The following MAP3K14 variants were observed in gnomAD, a reference collection of about 807,000 sequenced individuals.
MAP3K14 encodes mitogen-activated protein kinase kinase kinase 14, also known as NF-kappa-beta-inducing kinase.
A neutral mutation model predicts 99.2 loss-of-function variants in MAP3K14; 16 were observed. That is an observed-to-expected ratio of 0.16 (90% CI 0.11 to 0.24). The LOEUF (loss-of-function observed/expected upper bound fraction) is 0.24. MAP3K14 is among the 10% of genes least tolerant of loss of function. The probability of loss-of-function intolerance (pLI) is 1.00; values close to 1 mark genes in which losing one functional copy is unlikely to be tolerated. For missense variants in MAP3K14, 784 were observed against 1,208.7 expected, an observed-to-expected ratio of 0.65 and a Z score of 5.21; for synonymous variants, 462 against 492.4, an observed-to-expected ratio of 0.94 and a Z score of 0.82.
chr17:45,270,890 C>T (rs1331099896), intron 10 of MAP3K14, 168 bp downstream of exon 10: 1 of 993,322 alleles, frequency 1.0e-6, no homozygotes, highest in South Asian at 1.4e-5. Flanking sequence ...CTGGATCTCC[C>T]CTTGTACCCC....
chr17:45,312,305 C>A (rs572166066), intron 1 of MAP3K14, among the ~76,000 whole-genome samples: 2 of 152,206 alleles, frequency 1.3e-5, no homozygotes, highest in Non-Finnish European at 2.9e-5. Context: ...AAGTCAAGTG[C>A]AGAGCTGCCA....
intron 7 of MAP3K14, 68 bp downstream of exon 7, chr17:45,274,396 C>G (rs1423452349): frequency 6.3e-7 from 1 of 1,599,930 alleles, no homozygotes; most frequent in African/African-American, 1.3e-5. Flanking sequence ...CCAAGGCCAA[C>G]TTGGGCAAGA....
chr17:45,269,008 G>A (rs913304144), intron 11 of MAP3K14, among the ~76,000 whole-genome samples: 4 of 152,030 alleles, frequency 2.6e-5, no homozygotes, highest in African/African-American at 9.7e-5. Flanking sequence ...GCTCTTGAGT[G>A]TTACCTGGCT....
intron 1 of MAP3K14, among the ~76,000 whole-genome samples, chr17:45,308,425 C>A (rs919182825): frequency 6.6e-6 from 1 of 152,228 alleles, no homozygotes; most frequent in Admixed American, 6.5e-5. Flanking sequence ...TCACTGCCCT[C>A]CCAATTCTCA....
intron 6 of MAP3K14, among the ~76,000 whole-genome samples, chr17:45,275,749 TCTTTTC>T: frequency 7.0e-6 from 1 of 142,482 alleles, no homozygotes; most frequent in East Asian, 2.1e-4. Context: ...CATTTTTTTT[TCTTTTC>T]TTTTCTTTTT....
chr17:45,275,303 A>T (rs2044170857), intron 6 of MAP3K14, among the ~76,000 whole-genome samples: 1 of 151,838 alleles, frequency 6.6e-6, no homozygotes, highest in East Asian at 1.9e-4. Flanking sequence ...CCCTGTCTCT[A>T]CTAAAAATAC....
chr17:45,269,091 A>G (rs1233996957), intron 11 of MAP3K14, among the ~76,000 whole-genome samples: 2 of 152,196 alleles, frequency 1.3e-5, no homozygotes, highest in Non-Finnish European at 2.9e-5. Context: ...ATCATGGCTC[A>G]CTGCAGCCTC....
chr17:45,288,007 G>A (rs2044280841), intron 3 of MAP3K14, among the ~76,000 whole-genome samples: 1 of 152,176 alleles, frequency 6.6e-6, no homozygotes, highest in Admixed American at 6.5e-5. Context: ...TGGGATCCCT[G>A]CCAAGTATTA....
intron 1 of MAP3K14, among the ~76,000 whole-genome samples, chr17:45,307,564 T>C (rs541839178): frequency 2.6e-5 from 4 of 152,284 alleles, no homozygotes; most frequent in African/African-American, 9.6e-5. Context: ...ATTTAACCTT[T>C]TGGGGTGGAT....
At chr17:45,303,370 G>A (rs1303044559) in intron 1 of MAP3K14, among the ~76,000 whole-genome samples, 1 of 152,128 alleles carries the variant, frequency 6.6e-6, no homozygotes, top group Non-Finnish European at 1.5e-5. Context: ...AGACCAGCCT[G>A]GCCAACATGG....
chr17:45,295,801 C>T (rs898175052), intron 1 of MAP3K14, among the ~76,000 whole-genome samples: 1 of 152,220 alleles, frequency 6.6e-6, no homozygotes, highest in Non-Finnish European at 1.5e-5. Flanking sequence ...ATCAGGTTGC[C>T]TGGCCAACAG....
intron 10 of MAP3K14, 153 bp from the exon 11 acceptor site, chr17:45,270,716 CT>C: frequency 8.8e-7 from 1 of 1,140,254 alleles, no homozygotes; most frequent in Non-Finnish European, 1.2e-6. Flanking sequence ...AGTGAGGGCA[CT>C]TTTCCCAGGA....
At chr17:45,313,893 T>A (rs1010869839) in intron 1 of MAP3K14, among the ~76,000 whole-genome samples, 11 of 152,190 alleles carry the variant, frequency 7.2e-5, no homozygotes, top group Non-Finnish European at 1.3e-4. Context: ...TTCTGAGCAA[T>A]CCTGTCTGTT....
chr17:45,278,148 A>C (rs2044193825), intron 6 of MAP3K14, among the ~76,000 whole-genome samples: 2 of 152,212 alleles, frequency 1.3e-5, no homozygotes, highest in Non-Finnish European at 2.9e-5. Flanking sequence ...TGTGATCCAA[A>C]AGAGTTGGGG....
chr17:45,285,725 G>A (rs781691728), intron 5 of MAP3K14, among the ~76,000 whole-genome samples: 9 of 152,276 alleles, frequency 5.9e-5, no homozygotes, highest in Non-Finnish European at 1.3e-4. Context: ...GGAGGCCAAT[G>A]TGTGAGGATT....
Position 45,264,604 on chromosome 17 carries a change from C to A in MAP3K14, c.*32G>T. The A allele has an allele frequency of 6.5e-7, 1 of 1,541,108 alleles. No individual in the cohort carries two copies. The highest frequency in any genetic ancestry group is 8.7e-7 in the Non-Finnish European group (1 of 1,142,970). On this transcript the variant is annotated 3_prime_UTR_variant, in exon 16 of 16. Transcript: ENST00000344686. ...GTGCACCGAGCAGGAAGGCTGCTTC[C>A]GGCAGTGTGGAGCCGGCGGTGGAGG...
chr17:45,278,679 C>CTTT (rs34562745), intron 6 of MAP3K14, among the ~76,000 whole-genome samples: 4,504 of 139,092 alleles, frequency 0.032, 259 homozygotes, highest in African/African-American at 0.11. Context: ...CCATGCTGAA[C>CTTT]TTTTTTTTTT....
At chr17:45,296,656 C>T (rs750392450) in intron 1 of MAP3K14, among the ~76,000 whole-genome samples, 1 of 152,214 alleles carries the variant, frequency 6.6e-6, no homozygotes, top group Non-Finnish European at 1.5e-5. Context: ...ATCCTGACTC[C>T]CCTTTCTACC....
intron 8 of MAP3K14, chr17:45,273,877 C>G (rs2044159141): frequency 3.1e-6 from 2 of 635,756 alleles, no homozygotes; most frequent in Non-Finnish European, 5.6e-6. Flanking sequence ...CGACCCCATA[C>G]CAGGGGTCAC....
Sources: gnomAD v4.1 joint callset for allele counts (sites outside exome capture counted in the v4.1 genomes callset) on GRCh38, gnomAD v4.1.1 for gene constraint, MANE v1.5 for transcripts, NCBI Gene and HGNC (gene_info 2026-07-23, HGNC 2026-07-21) for gene names.